ANKHD1: variants seen among roughly 807,000 people sequenced by gnomAD.
ANKHD1 encodes ankyrin repeat and KH domain containing 1.
In ANKHD1, 31 loss-of-function variants were observed where a neutral mutation model predicts 230.5. The observed-to-expected ratio is 0.13, with a 90% CI of 0.10 to 0.18. ANKHD1 has a LOEUF of 0.18. Ranked by LOEUF, ANKHD1 falls within the 10% of genes least tolerant of loss-of-function variation. ANKHD1 has a pLI of 1.00. For synonymous variants in ANKHD1, 1,074 were observed against 1,117.6 expected (o/e 0.96, Z 0.78); for missense variants, 2,256 against 3,071.3 (o/e 0.73, Z 6.27).
At chr5:140,524,742 C>G (rs1399574852) in intron 25 of ANKHD1, among the ~76,000 whole-genome samples, 1 of 152,038 alleles carries the variant, frequency 6.6e-6, no homozygotes, top group Non-Finnish European at 1.5e-5. Context: ...TTCTAAAATA[C>G]TATTTGAAAA....
intron 15 of ANKHD1, among the ~76,000 whole-genome samples, chr5:140,503,321 A>G (rs2127048278): frequency 6.6e-6 from 1 of 152,106 alleles, no homozygotes. Flanking sequence ...TTTCAATACA[A>G]TGAATAATAG....
chr5:140,484,718 A>G (rs1054608659), intron 11 of ANKHD1: 1 of 153,514 alleles, frequency 6.5e-6, no homozygotes, highest in Non-Finnish European at 1.4e-5. Flanking sequence ...GAATGAACGA[A>G]CTACAGCTTC....
rs1459133859 is a variant in ANKHD1, at chr5:140,505,800, T to C, written c.3339T>C (p.Asp1113=). 2.5e-6 allele frequency: 4 copies of C among 1,613,040 alleles called. No homozygotes were observed. Among genetic ancestry groups the C allele is most frequent in the Admixed American group, 1.7e-5 (1 of 59,846 alleles). ...AAATCCTTTTGGATAAAGGTGGAGA[T>C]ATAGAAGCACAGTCTGAACGAACTA... ...VVEILLDKGG[D]IEAQSERTKD... is the part of the protein sequence containing the mutation. The change falls in exon 18 of 34, where the codon GAT becomes GAC. Residue 1113 remains aspartate, a synonymous_variant. Transcript: ENST00000360839.
Position 140,485,986 on chromosome 5 carries a change from T to C in ANKHD1, c.2142+254T>C. 4.7e-6 allele frequency: 2 copies of C among 424,170 alleles called. No homozygotes were observed. The highest frequency in any genetic ancestry group is 1.0e-4 in the East Asian group (2 of 19,990). The allele number at this position is 424,170 out of a possible 1,614,324, so 26.3% of individuals were successfully genotyped here. A position where few individuals can be genotyped will look rare whatever the true frequency, so the allele number is the denominator to read the frequency against. On this transcript the variant is annotated intron_variant, in intron 13 of 33. Coordinates refer to ENST00000360839, the MANE Select transcript of ANKHD1 (RefSeq NM_017747.3). The surrounding 1 kb of genome is among the most constrained non-coding windows in gnomAD (Gnocchi z 4.8). The stretch of plus-strand genomic sequence containing the variant: ...ATATAAACGTAAGTATTCTAAGTTG[T>C]TATCTTATTACAACTAGGTTTTTCA...
chr5:140,482,769 AGTATT>A lies in ANKHD1; in HGVS notation c.1870+108_1870+112del, dbSNP rs1370080088. On this transcript the variant is annotated intron_variant, in intron 11 of 33. Coordinates refer to ENST00000360839, the MANE Select transcript of ANKHD1 (RefSeq NM_017747.3). Reference sequence around the variant, plus strand: ...GTTATGGCTACTTTACCTACAGTAAAGTATTGTATTCTTGCCTTTTGTTATTATAT... The same window carrying A: ...GTTATGGCTACTTTACCTACAGTAAAGTATTCTTGCCTTTTGTTATTATAT... 8 of 1,241,866 alleles carry A rather than the reference AGTATT, an allele frequency of 6.4e-6. No homozygotes were observed. In the African/African-American group the frequency reaches 7.6e-5, roughly 12 times the overall value. The allele number at this position is 1,241,866 out of a possible 1,614,324, so 76.9% of individuals were successfully genotyped here.
chr5:140,537,833 T>C (rs1034565782), intron 31 of ANKHD1, among the ~76,000 whole-genome samples: 1 of 152,212 alleles, frequency 6.6e-6, no homozygotes, highest in South Asian at 2.1e-4. Flanking sequence ...CTTTCTCTCT[T>C]AAATAATCAT....
chr5:140,531,974 C>T (rs552003253), intron 29 of ANKHD1, among the ~76,000 whole-genome samples: 129 of 152,044 alleles, frequency 8.5e-4, no homozygotes, highest in Non-Finnish European at 1.5e-3. Flanking sequence ...TTTGGGAGGC[C>T]GAGGTGGTTG....
chr5:140,409,887 C>T (rs1346123315), intron 1 of ANKHD1, among the ~76,000 whole-genome samples: 1 of 152,074 alleles, frequency 6.6e-6, no homozygotes, highest in African/African-American at 2.4e-5. Context: ...ATCAACCTTT[C>T]ACAAGCTTCA....
chr5:140,537,303 T>A, intron 30 of ANKHD1, 86 bp from the exon 31 acceptor site: 3 of 1,501,842 alleles, frequency 2.0e-6, no homozygotes, highest in Non-Finnish European at 2.7e-6. Flanking sequence ...GTTTTTTATA[T>A]GTAATAAAAC....
chr5:140,505,209 A>G lies in ANKHD1; in HGVS notation c.3238A>G (p.Lys1080Glu). The G allele has an allele frequency of 6.2e-7, 1 of 1,614,182 alleles. No individual in the cohort carries two copies. Among genetic ancestry groups the G allele is most frequent in the Non-Finnish European group, 8.5e-7 (1 of 1,180,006 alleles). The change falls in exon 17 of 34, where the codon AAA becomes GAA. Residue 1080 changes from lysine to glutamate, a missense_variant. Physicochemically the swap from Lys to Glu is moderately conservative, Grantham distance 56. Around this residue, in one of 13 missense-constraint regions of ANKHD1, gnomAD observed 63 missense variants for 125.5 expected, o/e 0.50. Transcript: ENST00000360839. Reference sequence around the variant, plus strand: ...ATCTGTGCTCATTGCACGGGATGCCAAAATTGAACACAGAGACAAAAAAGG... The same window carrying G: ...ATCTGTGCTCATTGCACGGGATGCCGAAATTGAACACAGAGACAAAAAAGG... ...LVSVLIARDA[K>E]IEHRDKKGFT...
chr5:140,480,417 G>C (rs1049704684), intron 10 of ANKHD1, among the ~76,000 whole-genome samples: 5 of 151,752 alleles, frequency 3.3e-5, no homozygotes, highest in Admixed American at 6.6e-5. Context: ...TCTAAATCAG[G>C]GCTGAAAGCT....
intron 10 of ANKHD1, among the ~76,000 whole-genome samples, chr5:140,480,310 T>C (rs1049728551): frequency 1.3e-5 from 2 of 152,090 alleles, no homozygotes; most frequent in African/African-American, 4.8e-5. Flanking sequence ...TGACTTGGTG[T>C]GAGGATATTG....
At position 140,528,754 on chromosome 5, in the gene ANKHD1, T is replaced by C. The variant is rs1219851488; in HGVS notation, c.5808T>C (p.Thr1936=). Residue 1936 remains threonine (T), a synonymous_variant, in exon 29 of 34, where the codon ACT becomes ACC. Coordinates refer to ENST00000360839, the MANE Select transcript of ANKHD1 (RefSeq NM_017747.3). ...TAGCTACTGCCAGTTGTCCTATCAC[T>C]GTCTCTTCTGTAGTTGCTGCCAGTC... The part of the protein sequence containing the change: ...AGLATASCPI[T]VSSVVAASQQ... The C allele has an allele frequency of 3.7e-6, 6 of 1,614,080 alleles. No homozygotes were observed. The highest frequency in any genetic ancestry group is 1.3e-5 in the African/African-American group (1 of 74,940).
chr5:140,441,099 A>G lies in ANKHD1; in HGVS notation c.870A>G (p.Leu290=). The G allele has an allele frequency of 1.2e-6, 2 of 1,609,608 alleles. No homozygotes were observed. Residue 290 remains leucine (L), a synonymous_variant, in exon 5 of 34, where the codon TTA becomes TTG. Coordinates refer to ENST00000360839, the MANE Select transcript of ANKHD1 (RefSeq NM_017747.3). ...SSGGYLDIVK[L]LLLHDADVNS... ...GAGGTTACTTAGATATTGTGAAATT[A>G]TTACTTCTTCATGATGCTGATGTCA...
intron 1 of ANKHD1, among the ~76,000 whole-genome samples, chr5:140,427,368 G>C (rs1772551843): frequency 8.3e-6 from 1 of 120,882 alleles, no homozygotes; most frequent in Admixed American, 7.8e-5. Flanking sequence ...GGCCAGGCGG[G>C]GGGCTGACCC....
In ANKHD1 at chr5:140,450,546, CTCTT is replaced by C. The variant is rs1216123676; in HGVS notation, c.1242+1243_1242+1246del. Among the ~76,000 whole-genome samples, 6 of 151,704 alleles carry C rather than the reference CTCTT, an allele frequency of 4.0e-5. No homozygotes were observed. The East Asian group carries it at 9.7e-4, about 25-fold the overall frequency. On this transcript the variant is annotated intron_variant, in intron 7 of 33. Coordinates refer to ENST00000360839, the MANE Select transcript of ANKHD1 (RefSeq NM_017747.3). ...TTTCTATTGGTCTCTCTCTCTCTCTCTCTTTATTTTGAAGACAGACTCTCACTCT... is the reference window on the plus strand; with the variant it reads ...TTTCTATTGGTCTCTCTCTCTCTCTCTATTTTGAAGACAGACTCTCACTCT...
At chr5:140,536,350 TCCCA>T (rs1754073957) in intron 30 of ANKHD1, among the ~76,000 whole-genome samples, 1 of 152,224 alleles carries the variant, frequency 6.6e-6, no homozygotes, top group Admixed American at 6.5e-5. Flanking sequence ...TGCCTCAGCC[TCCCA>T]AAGTGCTGGG....
intron 1 of ANKHD1, among the ~76,000 whole-genome samples, chr5:140,421,296 C>CTT (rs35408466): frequency 1.4e-3 from 134 of 94,466 alleles, no homozygotes; most frequent in African/African-American, 2.6e-3. Flanking sequence ...AGAGTTTTTA[C>CTT]TTTTTTTTTT....
intron 22 of ANKHD1, among the ~76,000 whole-genome samples, chr5:140,511,504 C>T (rs11167489): frequency 0.41 from 61,646 of 151,974 alleles, 13,305 homozygotes; most frequent in East Asian, 0.55. Flanking sequence ...GAAAAAGGTC[C>T]CTCTGTTTCT....
Sources: allele counts gnomAD v4.1 joint callset (sites outside exome capture counted in the v4.1 genomes callset), GRCh38; gene constraint gnomAD v4.1.1; regional missense constraint gnomAD v4.1.1; non-coding constraint Gnocchi (gnomAD v3.1); transcripts MANE v1.5; gene names NCBI Gene and HGNC (gene_info 2026-07-23, HGNC 2026-07-21).